The following TMEM204 variants were observed in gnomAD, a reference collection of about 807,000 sequenced individuals.
The protein encoded by TMEM204 is claudin-like protein 24.
TMEM204 carries 15 observed loss-of-function variants against 19.4 expected under a neutral mutation model. The observed-to-expected ratio is 0.77, with a 90% CI of 0.52 to 1.19. The LOEUF is 1.19. Among genes scored for constraint, TMEM204 ranks in the 50% most tolerant of loss-of-function variants. The pLI, the probability that TMEM204 is intolerant of heterozygous loss-of-function variation, is 0.00. For synonymous variants in TMEM204, 161 were observed against 146.0 expected (o/e 1.10, Z -0.74); for missense variants, 287 against 321.2 (o/e 0.89, Z 0.81).
At chr16:1,537,307 G>A (rs1200653606) in intron 1 of TMEM204, among the ~76,000 whole-genome samples, 4 of 152,226 alleles carry the variant, frequency 2.6e-5, no homozygotes, top group African/African-American at 7.2e-5. Flanking sequence ...GCTGAGGCCC[G>A]CGTGGATGTC....
In TMEM204 at chr16:1,554,818, G is replaced by A. The variant is rs1185131101; in HGVS notation, c.473G>A (p.Arg158Lys). The change falls in exon 3 of 3, where the codon AGA (arginine) becomes AAA (lysine). Residue 158 changes from arginine (R) to lysine (K), a missense_variant. Arg to Lys is a conservative substitution (Grantham distance 26). Coordinates refer to ENST00000566264, the MANE Select transcript of TMEM204 (RefSeq NM_024600.6). ...VLVIGLVTFY[R>K]IGPYTNLSWS... Reference sequence around the variant, plus strand: ...GTCATCGGGCTCGTGACTTTCTACAGAATTGGCCCATACACCAACCTGTCC... The same window carrying A: ...GTCATCGGGCTCGTGACTTTCTACAAAATTGGCCCATACACCAACCTGTCC... The A allele has an allele frequency of 1.9e-6, 3 of 1,614,200 alleles. No homozygotes were observed. The East Asian group carries it at 6.7e-5, about 36-fold the overall frequency.
chr16:1,535,298 G>A (rs1440075133), intron 1 of TMEM204, among the ~76,000 whole-genome samples: 2 of 152,140 alleles, frequency 1.3e-5, no homozygotes, highest in African/African-American at 4.8e-5. Context: ...TGATGCCACC[G>A]CACCGTGGGG....
intron 1 of TMEM204, among the ~76,000 whole-genome samples, chr16:1,538,574 G>C (rs1253884774): frequency 2.6e-5 from 4 of 152,190 alleles, no homozygotes; most frequent in Non-Finnish European, 4.4e-5. Context: ...CAGGGAATCT[G>C]AGCTGCTCCT....
In TMEM204 at chr16:1,553,415, C is replaced by T. The variant is rs1366608920; in HGVS notation, c.437-1367C>T. On this transcript the variant is annotated intron_variant, in intron 2 of 2. Coordinates refer to ENST00000566264, the MANE Select transcript of TMEM204 (RefSeq NM_024600.6). This position sits in a 1 kb window ranked among gnomAD's most constrained non-coding sequence, Gnocchi z 4.4. The stretch of plus-strand genomic sequence containing the variant: ...GGTTTCCTGGGGAATGCAGGGGAGG[C>T]GGTTGGGAGTGGAGAGACCGGCATG... 36 of 985,192 alleles carry T rather than the reference C, an allele frequency of 3.7e-5. No individual in the cohort carries two copies. Among genetic ancestry groups the T allele is most frequent in the East Asian group, 1.1e-4 (1 of 8,822 alleles). 61.0% of individuals were successfully genotyped at this position (985,192 alleles called of 1,614,324 possible). A position where few individuals can be genotyped will look rare whatever the true frequency, so the allele number is the denominator to read the frequency against.
intron 1 of TMEM204, among the ~76,000 whole-genome samples, chr16:1,535,985 C>T (rs1596321907): frequency 6.6e-6 from 1 of 152,254 alleles, no homozygotes; most frequent in South Asian, 2.1e-4. Context: ...GCCGCAGCCC[C>T]GTTACTGTGC....
At chr16:1,535,988 T>C (rs1397392313) in intron 1 of TMEM204, among the ~76,000 whole-genome samples, 4 of 152,224 alleles carry the variant, frequency 2.6e-5, no homozygotes, top group African/African-American at 7.2e-5. Context: ...GCAGCCCCGT[T>C]ACTGTGCTGA....
At chr16:1,544,894 C>T (rs911827486) in intron 2 of TMEM204, among the ~76,000 whole-genome samples, 3 of 152,166 alleles carry the variant, frequency 2.0e-5, no homozygotes, top group Non-Finnish European at 2.9e-5. Flanking sequence ...GTGATCCGCC[C>T]GCCTCGGCCT....
At chr16:1,549,683 C>T (rs1186520865) in intron 2 of TMEM204, among the ~76,000 whole-genome samples, 7 of 152,102 alleles carry the variant, frequency 4.6e-5, no homozygotes, top group Non-Finnish European at 7.4e-5. Flanking sequence ...CCACCTGCCT[C>T]GGCCTCCCAA....
At chr16:1,529,231 C>T (rs2745182), upstream of TMEM204, among the ~76,000 whole-genome samples, 964 of 152,330 alleles carry the variant, frequency 6.3e-3, 16 homozygotes, top group African/African-American at 0.022. Flanking sequence ...ACCAACCTGG[C>T]AGCCCCTGCC....
intron 1 of TMEM204, among the ~76,000 whole-genome samples, chr16:1,538,537 C>G (rs1276676703): frequency 6.6e-6 from 1 of 152,204 alleles, no homozygotes; most frequent in African/African-American, 2.4e-5. Context: ...CTTTCCTCCC[C>G]TCCAGGGCAG....
rs969574218 is a variant in TMEM204, at chr16:1,555,453, A to G, written c.*427A>G. On this transcript the variant is annotated 3_prime_UTR_variant, in exon 3 of 3. Coordinates refer to ENST00000566264, the MANE Select transcript of TMEM204 (RefSeq NM_024600.6). Reference sequence around the variant, plus strand: ...GGAAAATTTTCTTAAAATATCCACAATATTCCTTGAGTGAGTCAGAATCTA... The same window carrying G: ...GGAAAATTTTCTTAAAATATCCACAGTATTCCTTGAGTGAGTCAGAATCTA... The G allele has an allele frequency of 6.5e-5, 12 of 185,468 alleles. No individual in the cohort carries two copies. The highest frequency in any genetic ancestry group is 1.1e-4 in the Non-Finnish European group (10 of 88,546). 11.5% of individuals were successfully genotyped at this position (185,468 alleles called of 1,614,324 possible). A position where few individuals can be genotyped will look rare whatever the true frequency, so the allele number is the denominator to read the frequency against.
chr16:1,553,718 T>C lies in TMEM204; in HGVS notation c.437-1064T>C, dbSNP rs2141412728. 1.8e-6 allele frequency: 2 copies of C among 1,118,374 alleles called. No individual in the cohort carries two copies. The highest frequency in any genetic ancestry group is 2.2e-6 in the Non-Finnish European group (2 of 903,044). 69.3% of individuals were successfully genotyped at this position (1,118,374 alleles called of 1,614,324 possible). ...GGAGGCCCCATGGCCTCCAGGACAA[T>C]CTGTGGCCACATCCCCATGGCTGTA... On this transcript the variant is annotated intron_variant, in intron 2 of 2. Transcript: ENST00000566264. The surrounding 1 kb of genome is among the most constrained non-coding windows in gnomAD (Gnocchi z 4.4).
Position 1,534,256 on chromosome 16 carries a change from C to T in TMEM204, c.-20C>T, listed in dbSNP as rs199838398. 37 of 1,607,482 alleles carry T rather than the reference C, an allele frequency of 2.3e-5. No individual in the cohort carries two copies. The highest frequency in any genetic ancestry group is 3.3e-4 in the Middle Eastern group (2 of 5,978). ...TGGGACTTGGCTTTCTCCGGATAAGCGGCGGCACCGGCGTCAGCGATGACC... is the reference window on the plus strand; with the variant it reads ...TGGGACTTGGCTTTCTCCGGATAAGTGGCGGCACCGGCGTCAGCGATGACC... On this transcript the variant is annotated 5_prime_UTR_variant, in exon 1 of 3. Coordinates refer to ENST00000566264, the MANE Select transcript of TMEM204 (RefSeq NM_024600.6).
At chr16:1,549,214 A>T (rs918136305) in intron 2 of TMEM204, among the ~76,000 whole-genome samples, 1 of 152,232 alleles carries the variant, frequency 6.6e-6, no homozygotes, top group Non-Finnish European at 1.5e-5. Context: ...AGAACCAAAG[A>T]CAAACAAAAG....
chr16:1,549,981 C>T (rs1596346290), intron 2 of TMEM204, among the ~76,000 whole-genome samples: 1 of 151,980 alleles, frequency 6.6e-6, no homozygotes, highest in East Asian at 1.9e-4. Flanking sequence ...TCTTTTTCTT[C>T]TTCTCTTTTT....
intron 2 of TMEM204, among the ~76,000 whole-genome samples, chr16:1,548,846 C>T (rs1018198079): frequency 2.0e-5 from 3 of 152,248 alleles, no homozygotes; most frequent in Non-Finnish European, 2.9e-5. Flanking sequence ...AGCAGCACAG[C>T]GAGGCATGTA....
At chr16:1,530,133 C>CTTTTTTTTTTT (rs922819138), upstream of TMEM204, among the ~76,000 whole-genome samples, 55 of 88,582 alleles carry the variant, frequency 6.2e-4, 4 homozygotes, top group African/African-American at 2.6e-3. Context: ...CGACGGGAAT[C>CTTTTTTTTTTT]TTTTTTTTTT....
chr16:1,552,723 A>G (rs948778462), intron 2 of TMEM204, among the ~76,000 whole-genome samples: 3 of 142,576 alleles, frequency 2.1e-5, no homozygotes, highest in African/African-American at 8.0e-5. Context: ...ATCTCGGCTC[A>G]CTGCAACCTC....
chr16:1,551,087 G>A lies in TMEM204; in HGVS notation c.437-3695G>A, dbSNP rs552355970. On this transcript the variant is annotated intron_variant, in intron 2 of 2. Transcript: ENST00000566264. This position sits in a 1 kb window ranked among gnomAD's most constrained non-coding sequence, Gnocchi z 4.0. ...GCTGCTGTTCCTCCTCGCCTTTCCCGCAGCTCCACACTGCATTCTGTTCTG... is the reference window on the plus strand; with the variant it reads ...GCTGCTGTTCCTCCTCGCCTTTCCCACAGCTCCACACTGCATTCTGTTCTG... Among the ~76,000 whole-genome samples the A allele has an allele frequency of 9.9e-5, 15 of 152,268 alleles. No homozygotes were observed. In the East Asian group the frequency reaches 1.5e-3, roughly 16 times the overall value.
Sources: gnomAD v4.1 joint callset for allele counts (sites outside exome capture counted in the v4.1 genomes callset) on GRCh38, gnomAD v4.1.1 for gene constraint, Gnocchi (gnomAD v3.1) non-coding constraint, MANE v1.5 for transcripts, NCBI Gene and HGNC (gene_info 2026-07-23, HGNC 2026-07-21) for gene names.